The following DRC8 variants were observed in gnomAD, a reference collection of about 807,000 sequenced individuals.
DRC8 encodes the protein dynein regulatory complex protein 8.
At chr1:245,018,661 G>C in the DRC8 span, among the ~76,000 whole-genome samples, 10 of 152,076 alleles carry the variant, frequency 6.6e-5, no homozygotes, top group African/African-American at 2.4e-4. Flanking sequence ...TGGGGGCGGG[G>C]GACAGAGGTA....
At chr1:245,015,540 C>G in the DRC8 span, among the ~76,000 whole-genome samples, 2 of 151,842 alleles carry the variant, frequency 1.3e-5, no homozygotes, top group Non-Finnish European at 2.9e-5. Flanking sequence ...GAAACCTTGT[C>G]TCTACTAAAA....
chr1:244,970,901 A>C, the DRC8 span: 1 of 192,162 alleles, frequency 5.2e-6, no homozygotes, highest in African/African-American at 2.4e-5. Context: ...CGCCGCCTCC[A>C]CACTCTCGCC....
At chr1:245,040,534 C>T in the DRC8 span, among the ~76,000 whole-genome samples, 1 of 152,100 alleles carries the variant, frequency 6.6e-6, no homozygotes, top group South Asian at 2.1e-4. Context: ...GTTCTAGTCT[C>T]CTTATTTTTA....
the DRC8 span, among the ~76,000 whole-genome samples, chr1:245,025,288 G>GT: frequency 6.6e-6 from 1 of 151,990 alleles, no homozygotes; most frequent in Non-Finnish European, 1.5e-5. Flanking sequence ...AACAAATCCA[G>GT]TTTTTTTGTA....
the DRC8 span, among the ~76,000 whole-genome samples, chr1:244,975,385 A>G: frequency 6.6e-6 from 1 of 152,196 alleles, no homozygotes; most frequent in Non-Finnish European, 1.5e-5. Flanking sequence ...TAAGACTTGA[A>G]TTTGAATTCC....
At chr1:245,042,264 A>G in the DRC8 span, among the ~76,000 whole-genome samples, 2 of 152,230 alleles carry the variant, frequency 1.3e-5, no homozygotes, top group African/African-American at 4.8e-5. Flanking sequence ...TTTGTTTTTA[A>G]TGATATACAG....
At chr1:244,996,899 C>T in the DRC8 span, among the ~76,000 whole-genome samples, 2 of 152,186 alleles carry the variant, frequency 1.3e-5, no homozygotes, top group African/African-American at 4.8e-5. Flanking sequence ...CCAGGACCTC[C>T]TGTGGATACC....
At chr1:245,082,964 C>G in the DRC8 span, among the ~76,000 whole-genome samples, 53,455 of 151,950 alleles carry the variant, frequency 0.35, 9,713 homozygotes, top group Middle Eastern at 0.43. Flanking sequence ...CCACCTCAGC[C>G]TCCCAAAGTG....
chr1:244,985,312 C>T, the DRC8 span, among the ~76,000 whole-genome samples: 1 of 152,134 alleles, frequency 6.6e-6, no homozygotes, highest in South Asian at 2.1e-4. Context: ...TCTGGCTTTG[C>T]CACTTTAGAG....
At chr1:245,014,324 A>G in the DRC8 span, among the ~76,000 whole-genome samples, 1 of 152,228 alleles carries the variant, frequency 6.6e-6, no homozygotes, top group Non-Finnish European at 1.5e-5. Flanking sequence ...AGTAGGGTTG[A>G]GCAGAGAACA....
At chr1:245,033,276 C>T in the DRC8 span, among the ~76,000 whole-genome samples, 6 of 152,182 alleles carry the variant, frequency 3.9e-5, no homozygotes, top group African/African-American at 7.2e-5. Flanking sequence ...TTAGCCACAC[C>T]CTGGCAAGTA....
chr1:245,014,043 A>AG, the DRC8 span, among the ~76,000 whole-genome samples: 1 of 148,200 alleles, frequency 6.7e-6, no homozygotes, highest in African/African-American at 2.5e-5. Flanking sequence ...AAAAAAAAAA[A>AG]AAAAAAGACA....
the DRC8 span, among the ~76,000 whole-genome samples, chr1:244,974,638 C>T: frequency 6.6e-6 from 1 of 151,992 alleles, no homozygotes; most frequent in Non-Finnish European, 1.5e-5. Flanking sequence ...AAAAGGGTTC[C>T]CTTAAATAAC....
the DRC8 span, among the ~76,000 whole-genome samples, chr1:244,982,367 A>T: frequency 0.055 from 8,418 of 152,220 alleles, 332 homozygotes; most frequent in Non-Finnish European, 0.074. Flanking sequence ...ACTGTGATTA[A>T]TATGTTAAAG....
chr1:245,014,031 CAAAAAAA>C, the DRC8 span, among the ~76,000 whole-genome samples: 26 of 93,142 alleles, frequency 2.8e-4, no homozygotes, highest in Middle Eastern at 0.017. Flanking sequence ...GACTCCATCT[CAAAAAAA>C]AAAAAAAAAA....
the DRC8 span, among the ~76,000 whole-genome samples, chr1:245,064,522 T>A: frequency 6.6e-6 from 1 of 152,238 alleles, no homozygotes; most frequent in Non-Finnish European, 1.5e-5. Context: ...TGGGTTGGAC[T>A]TCTTTCTATC....
At chr1:245,071,343 T>C in the DRC8 span, among the ~76,000 whole-genome samples, 1 of 152,156 alleles carries the variant, frequency 6.6e-6, no homozygotes, top group East Asian at 1.9e-4. Flanking sequence ...TCTTAGAGAT[T>C]ATCTAAGTAG....
At chr1:244,991,306 G>T in the DRC8 span, among the ~76,000 whole-genome samples, 2 of 152,142 alleles carry the variant, frequency 1.3e-5, no homozygotes, top group African/African-American at 4.8e-5. Flanking sequence ...GTGGAGTTGG[G>T]TGCACTATTC....
At chr1:245,108,652 G>T in the DRC8 span, among the ~76,000 whole-genome samples, 1 of 152,030 alleles carries the variant, frequency 6.6e-6, no homozygotes, top group South Asian at 2.1e-4. Context: ...TGTTGTGCTG[G>T]TCTCTCATAT....
Sources: allele counts gnomAD v4.1 joint callset (sites outside exome capture counted in the v4.1 genomes callset), GRCh38; gene constraint gnomAD v4.1.1; transcripts MANE v1.5; gene names NCBI Gene and HGNC (gene_info 2026-07-23, HGNC 2026-07-21).